METTL14: variants seen among roughly 807,000 people sequenced by gnomAD.
METTL14 encodes N(6)-adenosine-methyltransferase non-catalytic subunit METTL14.
Under a neutral mutation model 62.4 loss-of-function variants are expected in METTL14, and 32 were observed. That is an observed-to-expected ratio of 0.51 (90% CI 0.39 to 0.69). The LOEUF (loss-of-function observed/expected upper bound fraction) is 0.69. Ranked by LOEUF, METTL14 falls within the 30% of genes least tolerant of loss-of-function variation. The probability of loss-of-function intolerance (pLI) is 0.00; values close to 1 mark genes in which losing one functional copy is unlikely to be tolerated. For missense variants in METTL14, 340 were observed against 551.9 expected, an observed-to-expected ratio of 0.62 and a Z score of 3.85; for synonymous variants, 150 against 180.0, an observed-to-expected ratio of 0.83 and a Z score of 1.34.
chr4:118,699,238 T>G (rs1466374472), intron 7 of METTL14, among the ~76,000 whole-genome samples: 1 of 152,222 alleles, frequency 6.6e-6, no homozygotes, highest in African/African-American at 2.4e-5. Context: ...AAGATTTACC[T>G]CTAATTCTTC....
chr4:118,687,396 G>A (rs1033295314), intron 1 of METTL14, among the ~76,000 whole-genome samples: 8 of 152,118 alleles, frequency 5.3e-5, no homozygotes, highest in Admixed American at 4.6e-4. Context: ...TAAATCGTGT[G>A]TATTGCTTCA....
At chr4:118,701,678 C>T (rs1724593551) in intron 8 of METTL14, among the ~76,000 whole-genome samples, 2 of 152,260 alleles carry the variant, frequency 1.3e-5, no homozygotes, top group East Asian at 3.9e-4. Context: ...TATTGGTTGA[C>T]ACTTCGTTTT....
chr4:118,691,899 C>T, intron 4 of METTL14, 82 bp from the exon 5 acceptor site: 1 of 882,352 alleles, frequency 1.1e-6, no homozygotes, highest in Non-Finnish European at 1.8e-6. Flanking sequence ...TTTTATATCA[C>T]CTTGTAATAG....
chr4:118,695,075 G>C (rs1334547616), intron 6 of METTL14, among the ~76,000 whole-genome samples: 1 of 150,608 alleles, frequency 6.6e-6, no homozygotes, highest in Non-Finnish European at 1.5e-5. Flanking sequence ...TGGGTGATTT[G>C]CCCCCCTCAA....
chr4:118,708,460 G>A (rs1724824742), intron 10 of METTL14, among the ~76,000 whole-genome samples: 1 of 152,176 alleles, frequency 6.6e-6, no homozygotes, highest in South Asian at 2.1e-4. Flanking sequence ...TTAATAGTCA[G>A]TGAGAGCCCA....
At chr4:118,700,518 C>T in intron 7 of METTL14, 32 bp from the exon 8 acceptor site, 2 of 1,539,688 alleles carry the variant, frequency 1.3e-6, no homozygotes, top group African/African-American at 1.4e-5. Context: ...AAACAAAATA[C>T]TTTTATGCAA....
At chr4:118,698,001 A>G (rs959137085) in intron 7 of METTL14, among the ~76,000 whole-genome samples, 5 of 152,138 alleles carry the variant, frequency 3.3e-5, no homozygotes, top group African/African-American at 1.2e-4. Context: ...TCCTGTATGT[A>G]GGTTGGTATT....
intron 1 of METTL14, among the ~76,000 whole-genome samples, chr4:118,685,940 A>G (rs1326548457): frequency 3.3e-5 from 5 of 151,474 alleles, no homozygotes; most frequent in Non-Finnish European, 5.9e-5. Context: ...ATGGTCATCT[A>G]TTTCTTTCTT....
chr4:118,710,096 A>G lies in METTL14; in HGVS notation c.1165A>G (p.Thr389Ala). ...SAPNSYLTGC[T>A]EEIERLRPKS... ...TCCTAATTCCTACTTGACTGGTTGT[A>G]CAGAAGAAATTGAGAGACTTCGACC... Residue 389 changes from threonine (T) to alanine (A), a missense_variant, in exon 11 of 11, where the codon ACA becomes GCA. Coordinates refer to ENST00000388822, the MANE Select transcript of METTL14 (RefSeq NM_020961.4). 2 of 1,614,232 alleles carry G rather than the reference A, an allele frequency of 1.2e-6. No homozygotes were observed. The highest frequency in any genetic ancestry group is 1.3e-5 in the African/African-American group (1 of 75,058).
Position 118,705,762 on chromosome 4 carries a change from A to T in METTL14, c.1007A>T (p.His336Leu). Reference sequence around the variant, plus strand: ...GTAGAAATTTTTCATATAATTGAGCATTTTTGTCTTGGTAGAAGACGCCTT... The same window carrying T: ...GTAGAAATTTTTCATATAATTGAGCTTTTTTGTCTTGGTAGAAGACGCCTT... ...KPVEIFHIIEHFCLGRRRLHL... is the reference protein window; with the variant it reads ...KPVEIFHIIELFCLGRRRLHL... Residue 336 changes from histidine to leucine, a missense_variant, in exon 10 of 11, where the codon CAT (histidine) becomes CTT (leucine). By Grantham distance (99) the His-to-Leu change is moderately conservative. Coordinates refer to ENST00000388822, the MANE Select transcript of METTL14 (RefSeq NM_020961.4). 3.1e-6 allele frequency: 5 copies of T among 1,614,138 alleles called. No homozygotes were observed. Among genetic ancestry groups the T allele is most frequent in the Non-Finnish European group, 4.2e-6 (5 of 1,180,012 alleles).
intron 9 of METTL14, among the ~76,000 whole-genome samples, chr4:118,704,860 T>C (rs182155236): frequency 2.0e-5 from 3 of 152,322 alleles, no homozygotes; most frequent in East Asian, 3.9e-4. Flanking sequence ...CTCTGATTTA[T>C]AGCTGGTTGG....
chr4:118,697,033 G>C, intron 6 of METTL14, 149 bp from the exon 7 acceptor site: 2 of 568,002 alleles, frequency 3.5e-6, no homozygotes, highest in South Asian at 3.3e-5. Flanking sequence ...TTAGTAATTA[G>C]GTTACTGATT....
chr4:118,709,897 G>A (rs1724866699), intron 10 of METTL14, 101 bp from the exon 11 acceptor site: 1 of 1,108,436 alleles, frequency 9.0e-7, no homozygotes, highest in East Asian at 2.4e-5. Flanking sequence ...TGAATGATGG[G>A]GACATCTTTA....
At chr4:118,699,141 C>T (rs533513360) in intron 7 of METTL14, among the ~76,000 whole-genome samples, 7 of 152,256 alleles carry the variant, frequency 4.6e-5, no homozygotes, top group Admixed American at 2.6e-4. Flanking sequence ...AACTGGAAGA[C>T]GTGTTTCTTA....
chr4:118,685,456 C>A lies in METTL14; in HGVS notation c.-79C>A. On this transcript the variant is annotated 5_prime_UTR_variant, in exon 1 of 11. Coordinates refer to ENST00000388822, the MANE Select transcript of METTL14 (RefSeq NM_020961.4). The stretch of plus-strand genomic sequence containing the variant: ...TAAGCTCCCGGTGAATTTTGTTCCA[C>A]AGACTCGGAAGAAAGGTTGGATAAG... 7.1e-7 allele frequency: 1 copy of A among 1,406,788 alleles called. No individual in the cohort carries two copies. Among genetic ancestry groups the A allele is most frequent in the Non-Finnish European group, 1.0e-6 (1 of 991,360 alleles). The allele number at this position is 1,406,788 out of a possible 1,614,324, so 87.1% of individuals were successfully genotyped here.
intron 10 of METTL14, among the ~76,000 whole-genome samples, chr4:118,707,413 C>T (rs562567154): frequency 1.6e-4 from 24 of 152,154 alleles, no homozygotes; most frequent in African/African-American, 4.8e-4. Context: ...CCTGTAATCC[C>T]AGCACTTTGG....
Position 118,710,435 on chromosome 4 carries a change from TCTTAGCGAGCCTTGCTTG to T in METTL14, c.*135_*152del. 1 of 875,046 alleles carries T rather than the reference TCTTAGCGAGCCTTGCTTG, an allele frequency of 1.1e-6. No homozygotes were observed. The highest frequency in any genetic ancestry group is 1.7e-6 in the Non-Finnish European group (1 of 582,794). The allele number at this position is 875,046 out of a possible 1,614,324, so 54.2% of individuals were successfully genotyped here. A position where few individuals can be genotyped will look rare whatever the true frequency, so the allele number is the denominator to read the frequency against. ...TTAATTTCTCTGAGCTGCAAGAATG[TCTTAGCGAGCCTTGCTTG>T]CAGTTGTCACACACACTGTCTGGTT... On this transcript the variant is annotated 3_prime_UTR_variant, in exon 11 of 11. Transcript: ENST00000388822.
At position 118,697,230 on chromosome 4, in the gene METTL14, C is replaced by A; in HGVS notation, c.552C>A (p.Pro184=). 6.2e-7 allele frequency: 1 copy of A among 1,611,514 alleles called. No homozygotes were observed. The highest frequency in any genetic ancestry group is 1.1e-5 in the South Asian group (1 of 90,726). The stretch of plus-strand genomic sequence containing the variant: ...CCTTTGACATCAGAGAACTAACACC[C>A]AAATTTGATGTGATTCTTCTGGAAC... The part of the protein sequence containing the change: ...IEAFDIRELT[P]KFDVILLEPP... Residue 184 remains proline (P), a synonymous_variant, in exon 7 of 11, where the codon CCC becomes CCA. Transcript: ENST00000388822.
intron 2 of METTL14, 141 bp from the exon 3 acceptor site, chr4:118,689,229 A>T: frequency 2.4e-6 from 1 of 418,446 alleles, no homozygotes; most frequent in East Asian, 3.8e-5. Context: ...TTTTTGGATG[A>T]CTTATAAACT....
Sources: gnomAD v4.1 joint callset for allele counts (sites outside exome capture counted in the v4.1 genomes callset) on GRCh38, gnomAD v4.1.1 for gene constraint, MANE v1.5 for transcripts, NCBI Gene and HGNC (gene_info 2026-07-23, HGNC 2026-07-21) for gene names.